CCDC34: variants seen among roughly 807,000 people sequenced by gnomAD.
CCDC34 encodes the protein coiled-coil domain-containing protein 34.
Under a neutral mutation model 44.1 loss-of-function variants are expected in CCDC34, and 40 were observed. The observed-to-expected ratio is 0.91, with a 90% CI of 0.70 to 1.18. The LOEUF is 1.18. CCDC34 is among the 50% of genes most tolerant of loss of function. The pLI, the probability that CCDC34 is intolerant of heterozygous loss-of-function variation, is 0.00. For synonymous variants in CCDC34, 159 were observed against 158.2 expected, an observed-to-expected ratio of 1.01 and a Z score of -0.04; for missense variants, 466 against 452.3, an observed-to-expected ratio of 1.03 and a Z score of -0.28.
At chr11:27,361,153 C>T (rs925290640) in intron 1 of CCDC34, among the ~76,000 whole-genome samples, 16 of 152,218 alleles carry the variant, frequency 1.1e-4, no homozygotes, top group African/African-American at 3.9e-4. Context: ...AAACCCACGT[C>T]CCAGCTACTC....
At chr11:27,350,194 C>T (rs1189719382) in intron 3 of CCDC34, 138 bp downstream of exon 3, 1 of 1,563,708 alleles carries the variant, frequency 6.4e-7, no homozygotes, top group Non-Finnish European at 8.6e-7. Context: ...AAATGTCCAC[C>T]AGGATAGAAA....
intron 1 of CCDC34, among the ~76,000 whole-genome samples, chr11:27,362,626 G>A (rs1862682415): frequency 6.6e-6 from 1 of 151,908 alleles, no homozygotes; most frequent in African/African-American, 2.4e-5. Flanking sequence ...AATATCTCAG[G>A]AAAAAAGGAT....
intron 2 of CCDC34, among the ~76,000 whole-genome samples, chr11:27,356,928 G>A (rs1349121213): frequency 1.5e-5 from 1 of 68,460 alleles, no homozygotes; most frequent in Non-Finnish European, 3.2e-5. Context: ...GGGTGGGGTG[G>A]GGTTGGGGGT....
chr11:27,339,950 C>T (rs1356114852), intron 5 of CCDC34, among the ~76,000 whole-genome samples: 13 of 150,812 alleles, frequency 8.6e-5, no homozygotes, highest in South Asian at 2.1e-4. Flanking sequence ...AAAGAAGGAG[C>T]GGGACATGCT....
At chr11:27,341,961 T>C (rs2133338728) in intron 3 of CCDC34, among the ~76,000 whole-genome samples, 1 of 152,152 alleles carries the variant, frequency 6.6e-6, no homozygotes, top group East Asian at 1.9e-4. Flanking sequence ...TCTTGCAAGA[T>C]CTGATGGTTT....
chr11:27,338,684 AC>A lies in CCDC34; in HGVS notation c.*136del, dbSNP rs1223548819. The stretch of plus-strand genomic sequence containing the variant: ...GAAAATATCTTCCTCAACTCTAAGG[AC>A]TCCATATACAAATGCAAAAATTGCT... On this transcript the variant is annotated 3_prime_UTR_variant, in exon 6 of 6. Coordinates refer to ENST00000328697, the MANE Select transcript of CCDC34 (RefSeq NM_030771.2). 1 of 691,122 alleles carries A rather than the reference AC, an allele frequency of 1.4e-6. No individual in the cohort carries two copies. Among genetic ancestry groups the A allele is most frequent in the African/African-American group, 1.9e-5 (1 of 53,860 alleles). The allele number at this position is 691,122 out of a possible 1,614,324, so 42.8% of individuals were successfully genotyped here. A position where few individuals can be genotyped will look rare whatever the true frequency, so the allele number is the denominator to read the frequency against.
At chr11:27,359,388 CCACCTCCG>C (rs1230842641) in intron 1 of CCDC34, among the ~76,000 whole-genome samples, 1 of 152,184 alleles carries the variant, frequency 6.6e-6, no homozygotes, top group Non-Finnish European at 1.5e-5. Flanking sequence ...TTCCTTTCTT[CCACCTCCG>C]CATAAAGTCA....
chr11:27,357,613 T>TA, intron 1 of CCDC34, 72 bp from the exon 2 acceptor site: 1 of 1,415,640 alleles, frequency 7.1e-7, no homozygotes, highest in Non-Finnish European at 9.6e-7. Flanking sequence ...CACTTAACTG[T>TA]ACAGTAAAAG....
At chr11:27,359,723 T>C (rs1862634903) in intron 1 of CCDC34, among the ~76,000 whole-genome samples, 1 of 152,220 alleles carries the variant, frequency 6.6e-6, no homozygotes, top group South Asian at 2.1e-4. Context: ...GAGATGACAG[T>C]TGTGGCTGGC....
rs749466466 is a variant in CCDC34, at chr11:27,339,024, C to T, written c.919G>A (p.Gly307Arg). Residue 307 changes from glycine to arginine, a missense_variant, in exon 6 of 6, where the codon GGA (glycine) becomes AGA (arginine). Physicochemically the swap from Gly to Arg is moderately radical, Grantham distance 125. Coordinates refer to ENST00000328697, the MANE Select transcript of CCDC34 (RefSeq NM_030771.2). ...AAGGCTGGTTCTGGATAGGAATTTC[C>T]ACTGTAAAAACCTAAAATTATTGAA... ...ANGKLTGFYS[G>R]NSYPEPAFYN... 5.0e-6 allele frequency: 8 copies of T among 1,607,202 alleles called. No homozygotes were observed. Among genetic ancestry groups the T allele is most frequent in the African/African-American group, 1.3e-5 (1 of 74,442 alleles).
At chr11:27,342,934 C>T (rs1211554943) in intron 3 of CCDC34, among the ~76,000 whole-genome samples, 1 of 152,142 alleles carries the variant, frequency 6.6e-6, no homozygotes, top group African/African-American at 2.4e-5. Flanking sequence ...ATATGCAATA[C>T]AAATGCCATA....
At chr11:27,347,893 T>C (rs987302176) in intron 3 of CCDC34, among the ~76,000 whole-genome samples, 54 of 152,264 alleles carry the variant, frequency 3.5e-4, no homozygotes, top group African/African-American at 1.3e-3. Context: ...TACAGCTCAA[T>C]AGAATTAATT....
rs768114880 is a variant in CCDC34, at chr11:27,362,988, G to C, written c.207C>G (p.Pro69=). ...CAAACTGGAAGCTCTGGTGGCCAAG[G>C]GGAGACAACAGCGACCTGGTGGAAT... The part of the protein sequence containing the change: ...CSNSTRSLLS[P]LGHQSFQFDE... Residue 69 remains proline, a synonymous_variant, in exon 1 of 6, where the codon CCC becomes CCG. Coordinates refer to ENST00000328697, the MANE Select transcript of CCDC34 (RefSeq NM_030771.2). 1.9e-6 allele frequency: 3 copies of C among 1,614,164 alleles called. No homozygotes were observed. Among genetic ancestry groups the C allele is most frequent in the South Asian group, 1.1e-5 (1 of 91,078 alleles).
At chr11:27,353,449 T>C (rs1862531933) in intron 2 of CCDC34, among the ~76,000 whole-genome samples, 1 of 152,064 alleles carries the variant, frequency 6.6e-6, no homozygotes, top group South Asian at 2.1e-4. Context: ...CCTGGAGCAG[T>C]TGGCTAAATA....
chr11:27,357,580 C>A (rs3741407), intron 1 of CCDC34, 39 bp from the exon 2 acceptor site: 3 of 1,586,672 alleles, frequency 1.9e-6, no homozygotes, highest in Non-Finnish European at 2.6e-6. Context: ...GTACAAGAAC[C>A]TCTTTTGCTT....
chr11:27,355,393 T>A (rs1487153973), intron 2 of CCDC34, among the ~76,000 whole-genome samples: 1 of 152,182 alleles, frequency 6.6e-6, no homozygotes, highest in African/African-American at 2.4e-5. Context: ...GTGCTCACTA[T>A]GAACAAATAT....
intron 1 of CCDC34, among the ~76,000 whole-genome samples, chr11:27,358,991 CCA>C (rs1862620540): frequency 6.9e-6 from 1 of 145,862 alleles, no homozygotes; most frequent in Non-Finnish European, 1.5e-5. Context: ...CCTCCCATAC[CCA>C]CATGATCACC....
chr11:27,361,919 C>T (rs1298811951), intron 1 of CCDC34, among the ~76,000 whole-genome samples: 2 of 152,170 alleles, frequency 1.3e-5, no homozygotes, highest in African/African-American at 4.8e-5. Context: ...ATTACTGGGC[C>T]TGTCTCAGAA....
rs374928596 is a variant in CCDC34, at chr11:27,350,233, T to C, written c.606+99A>G. 5 of 1,601,730 alleles carry C rather than the reference T, an allele frequency of 3.1e-6. No homozygotes were observed. The African/African-American group carries it at 4.0e-5, about 13-fold the overall frequency. On this transcript the variant is annotated intron_variant, in intron 3 of 5. Transcript: ENST00000328697. ...AAAACAAGCCAAAGAAGAAAGACTC[T>C]AAGAGAAGTATTTTTTAAAACCTAG...
Sources: gnomAD v4.1 joint callset for allele counts (sites outside exome capture counted in the v4.1 genomes callset) on GRCh38, gnomAD v4.1.1 for gene constraint, MANE v1.5 for transcripts, NCBI Gene and HGNC (gene_info 2026-07-23, HGNC 2026-07-21) for gene names.